PTPRN2: variants seen among roughly 807,000 people sequenced by gnomAD.
PTPRN2 encodes the protein protein tyrosine phosphatase receptor type N2, also known as receptor-type tyrosine-protein phosphatase N2.
A neutral mutation model predicts 118.8 loss-of-function variants in PTPRN2; 74 were observed. That is an observed-to-expected ratio of 0.62 (90% CI 0.52 to 0.76). The LOEUF is 0.76. Ranked by LOEUF, PTPRN2 falls within the 30% of genes least tolerant of loss-of-function variation. The pLI is 0.00. For missense variants in PTPRN2, 1,481 were observed against 1,394.4 expected, an observed-to-expected ratio of 1.06 and a Z score of -0.99; for synonymous variants, 641 against 608.0, an observed-to-expected ratio of 1.05 and a Z score of -0.80.
intron 13 of PTPRN2, among the ~76,000 whole-genome samples, chr7:157,667,800 G>A (rs1796217742): frequency 6.6e-6 from 1 of 152,258 alleles, no homozygotes; most frequent in African/African-American, 2.4e-5. Context: ...CCGCACCCAG[G>A]CGCAGAAACT....
At chr7:158,362,613 C>T (rs1295462019) in intron 2 of PTPRN2, among the ~76,000 whole-genome samples, 1 of 152,186 alleles carries the variant, frequency 6.6e-6, no homozygotes, top group African/African-American at 2.4e-5. Context: ...AATGGCCAAG[C>T]CCCAGGAGCC....
intron 12 of PTPRN2, among the ~76,000 whole-genome samples, chr7:157,888,057 T>TG (rs11402285): frequency 0.48 from 72,213 of 150,218 alleles, 18,634 homozygotes; most frequent in Middle Eastern, 0.59. Context: ...CACGCTGTCT[T>TG]GGGGGGTGTG....
In PTPRN2 at chr7:157,587,788, T is replaced by C. The variant is rs1446997047; in HGVS notation, c.2496+7450A>G. Among the ~76,000 whole-genome samples the C allele has an allele frequency of 3.3e-5, 5 of 152,232 alleles. No individual in the cohort carries two copies. Among genetic ancestry groups the C allele is most frequent in the Non-Finnish European group, 4.4e-5 (3 of 68,046 alleles). ...AGACAGGAGAGGCAAGGCTGAACTT[T>C]GGAGTTGTCCTCTTGGCTGAGCCTC... On this transcript the variant is annotated intron_variant, in intron 17 of 22. Transcript: ENST00000389418. This position sits in a 1 kb window ranked among gnomAD's most constrained non-coding sequence, Gnocchi z 5.3.
In PTPRN2 at chr7:157,721,390, G is replaced by A. The variant is rs188585626; in HGVS notation, c.1789-38453C>T. On this transcript the variant is annotated intron_variant, in intron 12 of 22. Transcript: ENST00000389418. ...GAGCAATGTTGTAATGAACAGCCAC[G>A]CACTTCATTCTTTGCACATCTCAAA... is the stretch of plus-strand genomic sequence containing the variant. Among the ~76,000 whole-genome samples the A allele has an allele frequency of 3.5e-3, 535 of 152,346 alleles. 6 individuals carry two copies. Among genetic ancestry groups the A allele is most frequent in the Non-Finnish European group, 6.1e-3 (417 of 68,040 alleles).
At chr7:158,318,584 T>C (rs1417022187) in intron 2 of PTPRN2, among the ~76,000 whole-genome samples, 1 of 152,102 alleles carries the variant, frequency 6.6e-6, no homozygotes, top group Admixed American at 6.5e-5. Context: ...CCTCTTCCGA[T>C]CCCTGAGGCC....
chr7:158,539,356 CT>C (rs1825838526), intron 1 of PTPRN2: 1 of 152,298 alleles, frequency 6.6e-6, no homozygotes, highest in African/African-American at 2.4e-5. Flanking sequence ...GTCCACTTGC[CT>C]TTTAAACATC....
chr7:157,737,297 C>T lies in PTPRN2; in HGVS notation c.1789-54360G>A, dbSNP rs578221471. On this transcript the variant is annotated intron_variant, in intron 12 of 22. Coordinates refer to ENST00000389418, the MANE Select transcript of PTPRN2 (RefSeq NM_002847.5). Reference sequence around the variant, plus strand: ...CGCCCCAGACTGGGGCCTGTGTGGACGCGGCCCCCAGCAGTGTTCCTGTGT... The same window carrying T: ...CGCCCCAGACTGGGGCCTGTGTGGATGCGGCCCCCAGCAGTGTTCCTGTGT... Among the ~76,000 whole-genome samples the T allele has an allele frequency of 8.5e-5, 13 of 152,272 alleles. No individual in the cohort carries two copies. In the South Asian group the frequency reaches 1.9e-3, roughly 22 times the overall value.
At chr7:158,200,101 G>A (rs1826517111) in intron 4 of PTPRN2, among the ~76,000 whole-genome samples, 1 of 152,256 alleles carries the variant, frequency 6.6e-6, no homozygotes, top group Admixed American at 6.5e-5. Context: ...CCCCACAGAG[G>A]AATCAGTCCC....
rs560876507 is a variant in PTPRN2 at position 157,566,422 on chromosome 7, C to T, written c.2902+2480G>A. Among the ~76,000 whole-genome samples, 283 of 152,334 alleles carry T rather than the reference C, an allele frequency of 1.9e-3. 2 individuals are homozygous for T. In the Middle Eastern group the frequency reaches 0.027, roughly 15 times the overall value. On this transcript the variant is annotated intron_variant, in intron 21 of 22. Transcript: ENST00000389418. ...GCCCAGCCTGCACCAGAACAAAACCCCAGCGCCTCTCAGTGTGGAGGCCTG... is the reference window on the plus strand; with the variant it reads ...GCCCAGCCTGCACCAGAACAAAACCTCAGCGCCTCTCAGTGTGGAGGCCTG...
chr7:158,021,218 C>A (rs1175403958), intron 11 of PTPRN2, among the ~76,000 whole-genome samples: 1 of 152,072 alleles, frequency 6.6e-6, no homozygotes, highest in African/African-American at 2.4e-5. Context: ...GGTTCTAATG[C>A]CTATATTTGC....
chr7:158,530,024 G>A (rs10081235), intron 1 of PTPRN2, among the ~76,000 whole-genome samples: 71,468 of 151,898 alleles, frequency 0.47, 17,143 homozygotes, highest in East Asian at 0.68. Flanking sequence ...CCTAACTTAA[G>A]GCCTAGCTCC....
At chr7:157,975,449 G>A (rs910881550) in intron 11 of PTPRN2, among the ~76,000 whole-genome samples, 5 of 152,074 alleles carry the variant, frequency 3.3e-5, no homozygotes, top group Admixed American at 1.3e-4. Flanking sequence ...TTGCTCTCCT[G>A]GGTCAGGCAC....
intron 2 of PTPRN2, among the ~76,000 whole-genome samples, chr7:158,458,952 G>A (rs931293369): frequency 6.6e-6 from 1 of 152,174 alleles, no homozygotes; most frequent in African/African-American, 2.4e-5. Context: ...AGGGAGCACT[G>A]GCAAAGGACA....
intron 12 of PTPRN2, among the ~76,000 whole-genome samples, chr7:157,692,119 G>A (rs1200057520): frequency 3.3e-5 from 5 of 152,218 alleles, no homozygotes; most frequent in Non-Finnish European, 7.4e-5. Context: ...CTCCTTTTCT[G>A]GAAACCCCAG....
intron 2 of PTPRN2, among the ~76,000 whole-genome samples, chr7:158,319,474 A>AGCCTCCCTCACACACAC (rs1256486494): frequency 1.1e-4 from 6 of 54,444 alleles, no homozygotes; most frequent in Admixed American, 1.8e-4. Flanking sequence ...CCTCACACAC[A>AGCCTCCCTCACACACAC]AGCACAGCCT....
rs78376153 is a variant in PTPRN2, at chr7:157,893,590, C to T, written c.1788+5083G>A. On this transcript the variant is annotated intron_variant, in intron 12 of 22. Transcript: ENST00000389418. This position sits in a 1 kb window ranked among gnomAD's most constrained non-coding sequence, Gnocchi z 4.0. ...TCCATTAAGAGATAAGAAAACCTGA[C>T]GGGAGAAACAGGCTGCGGCAGGAAG... Among the ~76,000 whole-genome samples the T allele has an allele frequency of 8.5e-3, 1,293 of 152,284 alleles. 22 individuals carry two copies. Among genetic ancestry groups the T allele is most frequent in the African/African-American group, 0.026 (1,100 of 41,556 alleles).
At chr7:158,082,201 G>A (rs1326708833) in intron 10 of PTPRN2, among the ~76,000 whole-genome samples, 1 of 152,142 alleles carries the variant, frequency 6.6e-6, no homozygotes, top group African/African-American at 2.4e-5. Flanking sequence ...GTTGCTTCCT[G>A]GTCCCTGGGA....
rs1563310174 is a variant in PTPRN2 at position 157,994,735 on chromosome 7, AC to A, written c.1723+86562del. Among the ~76,000 whole-genome samples the A allele has an allele frequency of 1.3e-4, 3 of 23,962 alleles. 1 individual carries two copies. The highest frequency in any genetic ancestry group is 2.3e-4 in the Non-Finnish European group (3 of 13,086). 15.7% of individuals were successfully genotyped at this position (23,962 alleles called of 152,430 possible). ...AAAATCAACGCCGTGTCCCCAGCTTACAACTCCTTGTTCCTAAATCAACGCT... is the reference window on the plus strand; with the variant it reads ...AAAATCAACGCCGTGTCCCCAGCTTAAACTCCTTGTTCCTAAATCAACGCT... On this transcript the variant is annotated intron_variant, in intron 11 of 22. Transcript: ENST00000389418.
At chr7:157,760,705 A>G (rs1563080441) in intron 12 of PTPRN2, among the ~76,000 whole-genome samples, 1 of 152,210 alleles carries the variant, frequency 6.6e-6, no homozygotes, top group Non-Finnish European at 1.5e-5. Flanking sequence ...TTAACAAGGC[A>G]TCCAAAATAA....
Sources: gnomAD v4.1 joint callset for allele counts (sites outside exome capture counted in the v4.1 genomes callset) on GRCh38, gnomAD v4.1.1 for gene constraint, Gnocchi (gnomAD v3.1) non-coding constraint, MANE v1.5 for transcripts, NCBI Gene and HGNC (gene_info 2026-07-23, HGNC 2026-07-21) for gene names.